Variants in IL21R observed in about 807,000 individuals in gnomAD.
IL21R encodes the protein interleukin-21 receptor.
Under a neutral mutation model 41.3 loss-of-function variants are expected in IL21R, and 14 were observed. That is an observed-to-expected ratio of 0.34 (90% confidence interval 0.22 to 0.53). The LOEUF (loss-of-function observed/expected upper bound fraction) is 0.53. Among genes scored for constraint, IL21R ranks in the 20% least tolerant of loss-of-function variants. The probability of loss-of-function intolerance (pLI) is 0.94; values close to 1 mark genes in which losing one functional copy is unlikely to be tolerated. For synonymous variants in IL21R, 286 were observed against 287.6 expected, an observed-to-expected ratio of 0.99 and a Z score of 0.05; for missense variants, 588 against 681.6, an observed-to-expected ratio of 0.86 and a Z score of 1.53.
chr16:27,429,881 A>G (rs1204102954), intron 1 of IL21R, among the ~76,000 whole-genome samples, 175 bp from the exon 2 acceptor site: 1 of 152,150 alleles, frequency 6.6e-6, no homozygotes, highest in Non-Finnish European at 1.5e-5. Context: ...TGAATCTGCC[A>G]TTTCTAAGAG....
intron 1 of IL21R, among the ~76,000 whole-genome samples, chr16:27,423,762 G>T (rs1009678916): frequency 2.6e-5 from 4 of 152,132 alleles, no homozygotes; most frequent in African/African-American, 9.7e-5. Flanking sequence ...CCTGATGATG[G>T]CTATTTAGAT....
Position 27,449,200 on chromosome 16 carries a change from G to C in IL21R, c.1534G>C (p.Asp512His). Reference sequence around the variant, plus strand: ...GGAGTGTGACTTCACCAGCCCCGGGGACGAAGGACCCCCCCGGAGCTACCT... The same window carrying C: ...GGAGTGTGACTTCACCAGCCCCGGGCACGAAGGACCCCCCCGGAGCTACCT... The part of the protein sequence containing the change: ...PVECDFTSPG[D>H]EGPPRSYLRQ... The change falls in exon 9 of 9, where the codon GAC becomes CAC. Residue 512 changes from aspartate to histidine, a missense_variant. Asp to His is a moderately conservative substitution (Grantham distance 81). Transcript: ENST00000337929. 6 of 1,612,960 alleles carry C rather than the reference G, an allele frequency of 3.7e-6. No individual in the cohort carries two copies. The highest frequency in any genetic ancestry group is 5.1e-6 in the Non-Finnish European group (6 of 1,179,986).
At chr16:27,425,809 G>T (rs540459133) in intron 1 of IL21R, among the ~76,000 whole-genome samples, 6 of 152,198 alleles carry the variant, frequency 3.9e-5, no homozygotes, top group African/African-American at 1.4e-4. Flanking sequence ...TCCCACCTCG[G>T]CCTCCCAAAG....
At position 27,448,377 on chromosome 16, in the gene IL21R, C is replaced by A. The variant is rs575412894; in HGVS notation, c.868-157C>A. ...GGCTGAGGCAGGAGAATCACTTGAT[C>A]CTGGGAGGCAGAGGTTGCAGTGAAC... On this transcript the variant is annotated intron_variant, in intron 8 of 8. Coordinates refer to ENST00000337929, the MANE Select transcript of IL21R (RefSeq NM_181078.3). 5.8e-5 allele frequency: 43 copies of A among 745,764 alleles called. No individual in the cohort carries two copies. In the East Asian group the frequency reaches 1.2e-3, roughly 20 times the overall value. The allele number at this position is 745,764 out of a possible 1,614,324, so 46.2% of individuals were successfully genotyped here. A position where few individuals can be genotyped will look rare whatever the true frequency, so the allele number is the denominator to read the frequency against.
intron 1 of IL21R, among the ~76,000 whole-genome samples, chr16:27,405,416 T>C (rs138638300): frequency 3.2e-4 from 48 of 152,340 alleles, no homozygotes; most frequent in African/African-American, 9.6e-4. Context: ...ATTGGTCATA[T>C]TGGCATATAT....
intron 1 of IL21R, chr16:27,427,393 G>C: frequency 1.1e-6 from 1 of 893,994 alleles, no homozygotes; most frequent in Non-Finnish European, 1.3e-6. Context: ...GGAGTTTTTT[G>C]TTTGTCTGTT....
intron 1 of IL21R, among the ~76,000 whole-genome samples, chr16:27,417,184 CAG>C (rs2086903937): frequency 8.7e-6 from 1 of 114,344 alleles, no homozygotes; most frequent in Non-Finnish European, 1.7e-5. Flanking sequence ...TTTTTTGAGA[CAG>C]GGTCACACTC....
chr16:27,410,919 A>G lies in IL21R; in HGVS notation c.-17+8301A>G, dbSNP rs77132909. Among the ~76,000 whole-genome samples the G allele has an allele frequency of 9.2e-3, 1,401 of 152,308 alleles. 13 individuals carry two copies. Among genetic ancestry groups the G allele is most frequent in the African/African-American group, 0.031 (1,306 of 41,550 alleles). On this transcript the variant is annotated intron_variant, in intron 1 of 8. Transcript: ENST00000337929. ...CATCATATAAGTGATACAATGCAGT[A>G]TTTGTTTTTTTGCAATTGGTTTATT...
intron 1 of IL21R, among the ~76,000 whole-genome samples, chr16:27,405,256 C>T (rs2086724358): frequency 6.6e-6 from 1 of 152,098 alleles, no homozygotes; most frequent in African/African-American, 2.4e-5. Context: ...TGGTCTTGAA[C>T]TCCTGGGCTC....
chr16:27,422,411 T>C (rs1025966216), intron 1 of IL21R, among the ~76,000 whole-genome samples: 1 of 152,148 alleles, frequency 6.6e-6, no homozygotes, highest in Non-Finnish European at 1.5e-5. Context: ...TGCAAATGCA[T>C]GTATGTTAGA....
chr16:27,438,990 C>G (rs1211286416), intron 4 of IL21R, among the ~76,000 whole-genome samples: 1 of 152,022 alleles, frequency 6.6e-6, no homozygotes, highest in Non-Finnish European at 1.5e-5. Flanking sequence ...GAGGCAAACA[C>G]AGGCTGCAAA....
At chr16:27,402,861 A>G (rs552454381) in intron 1 of IL21R, among the ~76,000 whole-genome samples, 3 of 152,158 alleles carry the variant, frequency 2.0e-5, no homozygotes, top group East Asian at 1.9e-4. Context: ...ACGACCCTCT[A>G]TCTTGAAAAC....
chr16:27,449,362 A>G lies in IL21R; in HGVS notation c.*79A>G. ...ACAAGGTCACCTGGGCTGTGATGTG[A>G]AGACACCTGCAGCCTTTGGTCTCCT... On this transcript the variant is annotated 3_prime_UTR_variant, in exon 9 of 9. Transcript: ENST00000337929. 2.1e-6 allele frequency: 3 copies of G among 1,427,376 alleles called. No homozygotes were observed. The South Asian group carries it at 4.1e-5, about 20-fold the overall frequency. 88.4% of individuals were successfully genotyped at this position (1,427,376 alleles called of 1,614,324 possible).
intron 4 of IL21R, among the ~76,000 whole-genome samples, chr16:27,442,118 G>A (rs2087398006): frequency 6.6e-6 from 1 of 152,162 alleles, no homozygotes; most frequent in African/African-American, 2.4e-5. Flanking sequence ...AGAAAGCAGG[G>A]TTTCAGATTT....
intron 1 of IL21R, among the ~76,000 whole-genome samples, chr16:27,421,178 A>G (rs2086993742): frequency 6.6e-6 from 1 of 152,118 alleles, no homozygotes; most frequent in African/African-American, 2.4e-5. Flanking sequence ...ATGTACATCT[A>G]TGTGTCAGTA....
chr16:27,434,413 T>C lies in IL21R; in HGVS notation c.116T>C (p.Met39Thr). 1 of 1,613,972 alleles carries C rather than the reference T, an allele frequency of 6.2e-7. No individual in the cohort carries two copies. Among genetic ancestry groups the C allele is most frequent in the Non-Finnish European group, 8.5e-7 (1 of 1,179,920 alleles). The change falls in exon 3 of 9, where the codon ATG becomes ACG. Residue 39 changes from methionine to threonine, a missense_variant. Transcript: ENST00000337929. ...CAGACGGTCATCTGCATCCTGGAAA[T>C]GTGGAACCTCCACCCCAGCACGCTC... ...YLQTVICILEMWNLHPSTLTL... is the reference protein window; with the variant it reads ...YLQTVICILETWNLHPSTLTL...
chr16:27,437,750 C>T (rs2087299384), intron 4 of IL21R, 63 bp downstream of exon 4: 1 of 1,336,338 alleles, frequency 7.5e-7, no homozygotes, highest in Non-Finnish European at 1.1e-6. Flanking sequence ...CAGCCCTGAC[C>T]TCTCTGGGCT....
chr16:27,403,489 A>G (rs1230742826), intron 1 of IL21R, among the ~76,000 whole-genome samples: 1 of 152,108 alleles, frequency 6.6e-6, no homozygotes, highest in African/African-American at 2.4e-5. Context: ...CACATGGTGG[A>G]GTCGGGGAAA....
rs1384748941 is a variant in IL21R, at chr16:27,434,429, C to T, written c.132C>T (p.Pro44=). The change falls in exon 3 of 9, where the codon CCC becomes CCT. Residue 44 remains proline (P), a synonymous_variant. Transcript: ENST00000337929. ...TCCTGGAAATGTGGAACCTCCACCC[C>T]AGCACGCTCACCCTTACCTGGTAAG... ...ICILEMWNLH[P]STLTLTWQDQ... is the part of the protein sequence containing the mutation. The T allele has an allele frequency of 1.2e-6, 2 of 1,612,818 alleles. No homozygotes were observed. The highest frequency in any genetic ancestry group is 2.2e-5 in the South Asian group (2 of 91,058).
Sources: gnomAD v4.1 joint callset for allele counts (sites outside exome capture counted in the v4.1 genomes callset) on GRCh38, gnomAD v4.1.1 for gene constraint, MANE v1.5 for transcripts, NCBI Gene and HGNC (gene_info 2026-07-23, HGNC 2026-07-21) for gene names.